The following HRH1 variants were observed in gnomAD, a reference collection of about 807,000 sequenced individuals.
HRH1 encodes histamine H1 receptor.
HRH1 carries 6 observed loss-of-function variants against 10.3 expected under a neutral mutation model. The ratio of observed to expected loss-of-function variants is 0.58; its 90% confidence interval spans 0.32 to 1.15. HRH1 has a LOEUF of 1.15. Ranked by LOEUF, HRH1 falls within the 50% of genes most tolerant of loss-of-function variation. HRH1 has a pLI of 0.05. For missense variants in HRH1, 514 were observed against 615.3 expected, an observed-to-expected ratio of 0.84 and a Z score of 1.74; for synonymous variants, 242 against 236.7, an observed-to-expected ratio of 1.02 and a Z score of -0.21.
chr3:11,182,963 CT>C (rs1351998164), intron 1 of HRH1, among the ~76,000 whole-genome samples: 1 of 152,174 alleles, frequency 6.6e-6, no homozygotes. Flanking sequence ...GCACTTTTCC[CT>C]TTTTTTCCTT....
chr3:11,210,849 G>A (rs190198456), intron 1 of HRH1, among the ~76,000 whole-genome samples: 3 of 150,668 alleles, frequency 2.0e-5, no homozygotes, highest in Non-Finnish European at 2.9e-5. Context: ...TGCTTAGTCC[G>A]CAAAGACCAC....
intron 1 of HRH1, among the ~76,000 whole-genome samples, chr3:11,200,095 T>C (rs1277161154): frequency 6.6e-6 from 1 of 152,154 alleles, no homozygotes; most frequent in Non-Finnish European, 1.5e-5. Flanking sequence ...TCCTTGGATA[T>C]TGTTGTGTCT....
At chr3:11,178,078 A>G (rs1211796299) in intron 1 of HRH1, among the ~76,000 whole-genome samples, 1 of 152,214 alleles carries the variant, frequency 6.6e-6, no homozygotes, top group Non-Finnish European at 1.5e-5. Context: ...GATGACATTT[A>G]GATCCAGGCC....
At chr3:11,197,788 C>A (rs1203406840) in intron 1 of HRH1, among the ~76,000 whole-genome samples, 1 of 152,160 alleles carries the variant, frequency 6.6e-6, no homozygotes, top group African/African-American at 2.4e-5. Context: ...AAAAACAGCT[C>A]ATTGCAGGCT....
intron 1 of HRH1, among the ~76,000 whole-genome samples, chr3:11,192,668 C>G (rs1323765878): frequency 5.3e-5 from 8 of 152,140 alleles, no homozygotes; most frequent in Admixed American, 5.2e-4. Flanking sequence ...ATCACTTGAG[C>G]CCAGGTGTTT....
chr3:11,235,584 C>T (rs1433834638), intron 1 of HRH1, among the ~76,000 whole-genome samples: 2 of 152,228 alleles, frequency 1.3e-5, no homozygotes, highest in Non-Finnish European at 2.9e-5. Flanking sequence ...CCCCATGCAC[C>T]CCTACTGACA....
At chr3:11,183,818 A>G (rs1937402778) in intron 1 of HRH1, among the ~76,000 whole-genome samples, 2 of 149,568 alleles carry the variant, frequency 1.3e-5, no homozygotes, top group East Asian at 2.0e-4. Context: ...GGAAATTTCA[A>G]ATAAGCTTGT....
chr3:11,219,820 T>C lies in HRH1; in HGVS notation c.-35-39183T>C, dbSNP rs189467942. ...ACACGTCCATTCAGTCTACCCTGAATTCCCAGGAAGATTTCTTCCTAAGAT... is the reference window on the plus strand; with the variant it reads ...ACACGTCCATTCAGTCTACCCTGAACTCCCAGGAAGATTTCTTCCTAAGAT... On this transcript the variant is annotated intron_variant, in intron 1 of 1. Transcript: ENST00000431010. 1.3e-3 allele frequency among the ~76,000 whole-genome samples: 201 copies of C among 152,030 alleles called. 3 individuals are homozygous for C. Among genetic ancestry groups the C allele is most frequent in the Admixed American group, 1.4e-3 (21 of 15,284 alleles).
chr3:11,204,140 G>C (rs991950814), intron 1 of HRH1, among the ~76,000 whole-genome samples: 1 of 152,062 alleles, frequency 6.6e-6, no homozygotes, highest in Admixed American at 6.6e-5. Flanking sequence ...CTTGACATTC[G>C]CTGAGGCTCA....
intron 1 of HRH1, among the ~76,000 whole-genome samples, chr3:11,231,232 C>T (rs1939030561): frequency 6.6e-6 from 1 of 152,204 alleles, no homozygotes; most frequent in East Asian, 1.9e-4. Context: ...TGCTCATTCA[C>T]CCATCAAAGG....
chr3:11,226,532 G>T (rs1938887262), intron 1 of HRH1: 1 of 152,204 alleles, frequency 6.6e-6, no homozygotes, highest in South Asian at 2.1e-4. Flanking sequence ...TTCAGTAAAG[G>T]TTGAAGTTAC....
chr3:11,232,341 C>T (rs966722669), intron 1 of HRH1, among the ~76,000 whole-genome samples: 5 of 152,128 alleles, frequency 3.3e-5, no homozygotes, highest in East Asian at 1.9e-4. Context: ...TTGCCTATGA[C>T]GTCCAATTGT....
Position 11,167,737 on chromosome 3 carries a change from C to T in HRH1, c.-36+13183C>T, listed in dbSNP as rs554381230. Reference sequence around the variant, plus strand: ...GCTGGAAATGTTGCTGTAGGCTGCCCTGTAAATAGCCTGTGAATGATTGTG... The same window carrying T: ...GCTGGAAATGTTGCTGTAGGCTGCCTTGTAAATAGCCTGTGAATGATTGTG... On this transcript the variant is annotated intron_variant, in intron 1 of 1. Coordinates refer to ENST00000431010, the MANE Select transcript of HRH1 (RefSeq NM_001098212.2). Among the ~76,000 whole-genome samples the T allele has an allele frequency of 5.9e-5, 9 of 152,356 alleles. 1 individual carries two copies. In the East Asian group the frequency reaches 1.3e-3, roughly 23 times the overall value.
rs756750763 is a variant in HRH1, at chr3:11,260,473, T to C, written c.1436T>C (p.Phe479Ser). Reference sequence around the variant, plus strand: ...TGCAATGAGAACTTCAAGAAGACATTCAAGAGAATTCTGCATATTCGCTCC... The same window carrying C: ...TGCAATGAGAACTTCAAGAAGACATCCAAGAGAATTCTGCATATTCGCTCC... The part of the protein sequence containing the change: ...PLCNENFKKT[F>S]KRILHIRS Residue 479 changes from phenylalanine to serine, a missense_variant, in exon 2 of 2, where the codon TTC becomes TCC. Physicochemically the swap from Phe to Ser is radical, Grantham distance 155. Transcript: ENST00000431010. 1 of 1,607,006 alleles carries C rather than the reference T, an allele frequency of 6.2e-7. No individual in the cohort carries two copies. Among genetic ancestry groups the C allele is most frequent in the East Asian group, 2.2e-5 (1 of 44,810 alleles).
chr3:11,190,996 G>A (rs1034398554), intron 1 of HRH1, among the ~76,000 whole-genome samples: 1 of 152,150 alleles, frequency 6.6e-6, no homozygotes, highest in Admixed American at 6.5e-5. Context: ...CAACCATCAC[G>A]TGGAAGGAAG....
intron 1 of HRH1, among the ~76,000 whole-genome samples, chr3:11,246,001 T>TACAC (rs1553581783): frequency 0.051 from 3,973 of 77,184 alleles, 167 homozygotes; most frequent in African/African-American, 0.15. Flanking sequence ...CACACACACT[T>TACAC]ACACATACAC....
chr3:11,254,703 ATC>A (rs1480787552), intron 1 of HRH1, among the ~76,000 whole-genome samples: 3 of 152,218 alleles, frequency 2.0e-5, no homozygotes, highest in Non-Finnish European at 4.4e-5. Flanking sequence ...GAGAATGGGA[ATC>A]CCAGATGAAC....
intron 1 of HRH1, among the ~76,000 whole-genome samples, chr3:11,243,004 C>G (rs1939390407): frequency 6.6e-6 from 1 of 152,006 alleles, no homozygotes; most frequent in Non-Finnish European, 1.5e-5. Context: ...ACCTCTGCCT[C>G]CTGGGTTCAA....
At chr3:11,139,314 C>G (rs1324000740) in intron 1 of HRH1, among the ~76,000 whole-genome samples, 2 of 147,136 alleles carry the variant, frequency 1.4e-5, no homozygotes, top group Non-Finnish European at 3.0e-5. Flanking sequence ...GAATCTTGCT[C>G]TGTTACCCAG....
Sources: allele counts gnomAD v4.1 joint callset (sites outside exome capture counted in the v4.1 genomes callset), GRCh38; gene constraint gnomAD v4.1.1; transcripts MANE v1.5; gene names NCBI Gene and HGNC (gene_info 2026-07-23, HGNC 2026-07-21).